RGS6: variants seen among roughly 807,000 people sequenced by gnomAD.
RGS6 encodes regulator of G protein signaling 6.
A neutral mutation model predicts 78.5 loss-of-function variants in RGS6; 30 were observed. The ratio of observed to expected loss-of-function variants is 0.38; its 90% CI spans 0.29 to 0.52. The LOEUF is 0.52. Ranked by LOEUF, RGS6 falls within the 20% of genes least tolerant of loss-of-function variation. The pLI, the probability that RGS6 is intolerant of heterozygous loss-of-function variation, is 0.85. For synonymous variants in RGS6, 206 were observed against 206.0 expected (o/e 1.00, Z 0.00); for missense variants, 495 against 609.7 (o/e 0.81, Z 1.98).
chr14:71,953,364 C>A (rs1272639518), intron 1 of RGS6, among the ~76,000 whole-genome samples: 3 of 152,130 alleles, frequency 2.0e-5, no homozygotes, highest in African/African-American at 7.2e-5. Context: ...GCTGTTGTGG[C>A]ACAGAAGTGA....
At chr14:72,552,615 C>T (rs2097523325) in intron 17 of RGS6, 1 of 152,254 alleles carries the variant, frequency 6.6e-6, no homozygotes, top group African/African-American at 2.4e-5. Context: ...CCACCCTGAG[C>T]AATGCAACCT....
At chr14:72,245,754 C>A (rs181323675) in intron 2 of RGS6, among the ~76,000 whole-genome samples, 135 of 152,290 alleles carry the variant, frequency 8.9e-4, no homozygotes, top group African/African-American at 3.2e-3. Context: ...TCCCAACAGA[C>A]TTGAAGAAGC....
chr14:72,616,064 AG>A, the RGS6 span, among the ~76,000 whole-genome samples: 1 of 152,140 alleles, frequency 6.6e-6, no homozygotes, highest in South Asian at 2.1e-4. Flanking sequence ...GCTACCATGG[AG>A]TGGGGACCAT....
rs1463062739 is a variant in RGS6, at chr14:72,370,579, G to C, written c.184+18385G>C. Among the ~76,000 whole-genome samples the C allele has an allele frequency of 3.3e-5, 5 of 152,246 alleles. No individual in the cohort carries two copies. The South Asian group carries it at 8.3e-4, about 25-fold the overall frequency. ...ATGAGGTACATCAGGGTAAACATGT[G>C]TTAGGCCTAAAAATGGATGTCAAGG... On this transcript the variant is annotated intron_variant, in intron 3 of 17. Coordinates refer to ENST00000553525, the MANE Select transcript of RGS6 (RefSeq NM_001204424.2).
chr14:71,954,262 TCTC>T (rs1427613164), intron 1 of RGS6, among the ~76,000 whole-genome samples: 1 of 151,714 alleles, frequency 6.6e-6, no homozygotes, highest in East Asian at 1.9e-4. Flanking sequence ...TAATATTTCT[TCTC>T]CTTTCTTTCT....
chr14:72,629,839 A>G, the RGS6 span: 451 of 980,490 alleles, frequency 4.6e-4, 5 homozygotes, highest in South Asian at 6.2e-3. Flanking sequence ...CAGGCAGGGC[A>G]GGGTAGCATG....
At chr14:72,433,129 T>G (rs1176444458) in intron 3 of RGS6, among the ~76,000 whole-genome samples, 1 of 152,206 alleles carries the variant, frequency 6.6e-6, no homozygotes, top group Non-Finnish European at 1.5e-5. Context: ...AAATGATTGG[T>G]GGTTTCATGT....
chr14:72,267,227 A>G (rs559971270), intron 2 of RGS6, among the ~76,000 whole-genome samples: 1 of 152,354 alleles, frequency 6.6e-6, no homozygotes, highest in South Asian at 2.1e-4. Flanking sequence ...CTATGATTAT[A>G]GGCATGAGCC....
chr14:72,111,312 T>A (rs1345865483), intron 2 of RGS6, among the ~76,000 whole-genome samples: 1 of 152,134 alleles, frequency 6.6e-6, no homozygotes, highest in Non-Finnish European at 1.5e-5. Context: ...CAGGAATGGA[T>A]GGATATTCTT....
At chr14:72,205,240 C>A (rs1217373218) in intron 2 of RGS6, among the ~76,000 whole-genome samples, 1 of 152,114 alleles carries the variant, frequency 6.6e-6, no homozygotes, top group African/African-American at 2.4e-5. Flanking sequence ...CATTCACCAC[C>A]AAGATACTAT....
intron 2 of RGS6, among the ~76,000 whole-genome samples, chr14:71,987,721 G>C (rs966675754): frequency 9.2e-5 from 14 of 152,080 alleles, no homozygotes; most frequent in African/African-American, 3.4e-4. Flanking sequence ...GGGTCTCACT[G>C]TGCTGCCCAG....
At chr14:72,387,513 G>C (rs900687958) in intron 3 of RGS6, among the ~76,000 whole-genome samples, 10 of 150,974 alleles carry the variant, frequency 6.6e-5, no homozygotes, top group East Asian at 2.0e-4. Flanking sequence ...CGCACCACTG[G>C]ACTCCAGCCT....
intron 2 of RGS6, among the ~76,000 whole-genome samples, chr14:72,234,392 A>T (rs1027951184): frequency 6.6e-6 from 1 of 152,082 alleles, no homozygotes; most frequent in African/African-American, 2.4e-5. Context: ...AACAGAAATG[A>T]TGCCAGCTGC....
At position 72,214,929 on chromosome 14, in the gene RGS6, T is replaced by C. The variant is rs372441559; in HGVS notation, c.85-137166T>C. The stretch of plus-strand genomic sequence containing the variant: ...TAATATAAATAAGAAAAATGAGATT[T>C]GAAGATTTGCAATTTGCATAAATTT... On this transcript the variant is annotated intron_variant, in intron 2 of 17. Transcript: ENST00000553525. Among the ~76,000 whole-genome samples, 136 of 152,354 alleles carry C rather than the reference T, an allele frequency of 8.9e-4. 2 individuals are homozygous for C. The highest frequency in any genetic ancestry group is 3.2e-3 in the African/African-American group (133 of 41,590).
At chr14:72,283,332 T>G (rs191851770) in intron 2 of RGS6, among the ~76,000 whole-genome samples, 1 of 152,270 alleles carries the variant, frequency 6.6e-6, no homozygotes, top group Admixed American at 6.5e-5. Flanking sequence ...CTATTTTTAA[T>G]GTTTTTAGGA....
intron 12 of RGS6, among the ~76,000 whole-genome samples, chr14:72,479,372 G>A (rs551734420): frequency 2.0e-5 from 3 of 152,294 alleles, no homozygotes; most frequent in Non-Finnish European, 4.4e-5. Context: ...GACATTCTGA[G>A]CCAGATAATT....
intron 2 of RGS6, among the ~76,000 whole-genome samples, chr14:72,017,871 A>G (rs973856241): frequency 2.0e-5 from 3 of 152,166 alleles, no homozygotes; most frequent in East Asian, 1.9e-4. Context: ...TGCTGCACAC[A>G]TCATCCTATC....
intron 2 of RGS6, among the ~76,000 whole-genome samples, chr14:72,342,155 C>G (rs2077129639): frequency 6.6e-6 from 1 of 152,152 alleles, no homozygotes; most frequent in South Asian, 2.1e-4. Flanking sequence ...ATGTACAATT[C>G]TCCTTGGTAG....
At chr14:72,509,352 G>A (rs945532217) in intron 13 of RGS6, among the ~76,000 whole-genome samples, 1 of 147,878 alleles carries the variant, frequency 6.8e-6, no homozygotes, top group African/African-American at 2.5e-5. Context: ...GCGGCAAAGT[G>A]AGACTCCATC....
Sources: gnomAD v4.1 joint callset for allele counts (sites outside exome capture counted in the v4.1 genomes callset) on GRCh38, gnomAD v4.1.1 for gene constraint, MANE v1.5 for transcripts, NCBI Gene and HGNC (gene_info 2026-07-23, HGNC 2026-07-21) for gene names.